Variants in PRKCSH observed in about 807,000 individuals in gnomAD.
PRKCSH encodes the protein PRKCSH beta subunit of glucosidase II.
In PRKCSH, 42 loss-of-function variants were observed where a neutral mutation model predicts 79.7. The ratio of observed to expected loss-of-function variants is 0.53; its 90% confidence interval spans 0.41 to 0.68. The LOEUF is 0.68. PRKCSH is among the 30% of genes least tolerant of loss of function. The pLI is 0.00. For missense variants in PRKCSH, 686 were observed against 709.0 expected, an observed-to-expected ratio of 0.97 and a Z score of 0.37; for synonymous variants, 325 against 288.2, an observed-to-expected ratio of 1.13 and a Z score of -1.29.
chr19:11,449,063 G>C lies in PRKCSH; in HGVS notation c.1362-13G>C, dbSNP rs771951167. On this transcript the variant is annotated splice_polypyrimidine_tract_variant and intron_variant, in intron 15 of 17. Coordinates refer to ENST00000677123, the MANE Select transcript of PRKCSH (RefSeq NM_001289104.2). This position sits in a 1 kb window ranked among gnomAD's most constrained non-coding sequence, Gnocchi z 6.4. Reference sequence around the variant, plus strand: ...ACACCGGCCCAGCCCTCAGCACCCTGTGTCTCTCACAGCACCTGGGGCTCA... The same window carrying C: ...ACACCGGCCCAGCCCTCAGCACCCTCTGTCTCTCACAGCACCTGGGGCTCA... 6.2e-7 allele frequency: 1 copy of C among 1,613,318 alleles called. No individual in the cohort carries two copies. Among genetic ancestry groups the C allele is most frequent in the East Asian group, 2.2e-5 (1 of 44,884 alleles).
chr19:11,445,592 G>C (rs1433164794), intron 8 of PRKCSH, 119 bp downstream of exon 8: 1 of 1,003,750 alleles, frequency 1.0e-6, no homozygotes, highest in Non-Finnish European at 1.5e-6. Flanking sequence ...TGGGGTCCAG[G>C]CTGATCCCAA....
In PRKCSH at chr19:11,448,059, C is replaced by T. The variant is rs913926208; in HGVS notation, c.1127-163C>T. 24 of 823,752 alleles carry T rather than the reference C, an allele frequency of 2.9e-5. No individual in the cohort carries two copies. The East Asian group carries it at 5.6e-4, about 19-fold the overall frequency. The allele number at this position is 823,752 out of a possible 1,614,324, so 51.0% of individuals were successfully genotyped here. Reference sequence around the variant, plus strand: ...GGAGCTGGGAGCCTGGGCAGCAAGTCGGGGCTGCTCTATAGCTGGTGAGGC... The same window carrying T: ...GGAGCTGGGAGCCTGGGCAGCAAGTTGGGGCTGCTCTATAGCTGGTGAGGC... On this transcript the variant is annotated intron_variant, in intron 12 of 17. Transcript: ENST00000677123. The surrounding 1 kb of genome is among the most constrained non-coding windows in gnomAD (Gnocchi z 4.4).
In PRKCSH at chr19:11,449,265, GGTGCGCCTCCT is replaced by G; in HGVS notation, c.1467_1477del (p.Leu490GlufsTer32). 1 of 1,613,772 alleles carries G rather than the reference GGTGCGCCTCCT, an allele frequency of 6.2e-7. No homozygotes were observed. The highest frequency in any genetic ancestry group is 8.5e-7 in the Non-Finnish European group (1 of 1,179,964). ...TCGAGCACCCGTCTGCCCATCCCCA[GGTGCGCCTCCT>G]GTGCGGGAAAGAGACCATGGTGACC... On this transcript the variant is annotated frameshift_variant and splice_region_variant, in exon 17 of 18. Coordinates refer to ENST00000677123, the MANE Select transcript of PRKCSH (RefSeq NM_001289104.2). LOFTEE classifies it high-confidence loss of function. The surrounding 1 kb of genome is among the most constrained non-coding windows in gnomAD (Gnocchi z 6.4).
At chr19:11,436,740 A>C in intron 3 of PRKCSH, 2 of 516,384 alleles carry the variant, frequency 3.9e-6, no homozygotes, top group Non-Finnish European at 7.0e-6. Context: ...TTTCAGTTGA[A>C]TCCCGAAGGT....
At position 11,436,196 on chromosome 19, in the gene PRKCSH, A is replaced by C. The variant is rs751480382; in HGVS notation, c.79A>C (p.Asn27His). 10 of 1,584,812 alleles carry C rather than the reference A, an allele frequency of 6.3e-6. No individual in the cohort carries two copies. The East Asian group carries it at 2.3e-4, about 37-fold the overall frequency. Residue 27 changes from asparagine (N) to histidine (H), a missense_variant and splice_region_variant, in exon 2 of 18, where the codon AAT becomes CAT. Transcript: ENST00000677123. ...GAGGCCCCGGGGCGTCTCCCTCACC[A>C]GTGAGTCCTCCTGTTCACCCTCCCG... is the stretch of plus-strand genomic sequence containing the variant. The part of the protein sequence containing the change: ...VKRPRGVSLT[N>H]HHFYDESKPF...
In PRKCSH at chr19:11,445,536, C is replaced by A. The variant is rs1178227927; in HGVS notation, c.683+63C>A. The A allele has an allele frequency of 3.9e-6, 6 of 1,526,622 alleles. No homozygotes were observed. In the African/African-American group the frequency reaches 4.1e-5, roughly 10 times the overall value. 94.6% of individuals were successfully genotyped at this position (1,526,622 alleles called of 1,614,324 possible). ...GGGCCTGGGTTTCCCTCCCCGCCAC[C>A]CTCGCCTCTAGAAACCAGCCAGATC... On this transcript the variant is annotated intron_variant, in intron 8 of 17. Coordinates refer to ENST00000677123, the MANE Select transcript of PRKCSH (RefSeq NM_001289104.2).
In PRKCSH at chr19:11,442,521, G is replaced by C; in HGVS notation, c.598+6G>C. On this transcript the variant is annotated splice_donor_region_variant and intron_variant, in intron 7 of 17. Coordinates refer to ENST00000677123, the MANE Select transcript of PRKCSH (RefSeq NM_001289104.2). ...GCACCAGAAGCTGTGGGAAGGTATG[G>C]CAGAAATGGCCAAGGACTCACCTTC... is the stretch of plus-strand genomic sequence containing the variant. 1 of 1,609,420 alleles carries C rather than the reference G, an allele frequency of 6.2e-7. No homozygotes were observed. The highest frequency in any genetic ancestry group is 8.5e-7 in the Non-Finnish European group (1 of 1,178,322).
Position 11,447,698 on chromosome 19 carries a change from C to T in PRKCSH, c.1035C>T (p.Ala345=). ...TGACCCTGCCCCTGCCCCAGGAGGCCCCACCGCCACTGTCACCCCCGCAGC... is the reference window on the plus strand; with the variant it reads ...TGACCCTGCCCCTGCCCCAGGAGGCTCCACCGCCACTGTCACCCCCGCAGC... ...SEVQGEQPKE[A]PPPLSPPQPA... Residue 345 remains alanine (A), a synonymous_variant, in exon 12 of 18, where the codon GCC becomes GCT. Transcript: ENST00000677123. The surrounding 1 kb of genome is among the most constrained non-coding windows in gnomAD (Gnocchi z 5.6). The T allele has an allele frequency of 6.4e-7, 1 of 1,574,120 alleles. No individual in the cohort carries two copies. The highest frequency in any genetic ancestry group is 8.6e-7 in the Non-Finnish European group (1 of 1,158,902).
intron 6 of PRKCSH, 66 bp from the exon 7 acceptor site, chr19:11,442,320 A>T (rs1599493582): frequency 6.5e-7 from 1 of 1,533,818 alleles, no homozygotes; most frequent in African/African-American, 1.4e-5. Context: ...AGAGGCAGGG[A>T]GGTAGTAGTC....
chr19:11,446,516 C>T (rs566311179), intron 9 of PRKCSH, among the ~76,000 whole-genome samples, 166 bp downstream of exon 9: 4 of 152,132 alleles, frequency 2.6e-5, no homozygotes, highest in African/African-American at 7.2e-5. Flanking sequence ...TGGCAGGACC[C>T]GGGATGGAGC....
Position 11,447,849 on chromosome 19 carries a change from A to G in PRKCSH, c.1126+60A>G. On this transcript the variant is annotated intron_variant, in intron 12 of 17. Transcript: ENST00000677123. The surrounding 1 kb of genome is among the most constrained non-coding windows in gnomAD (Gnocchi z 5.6). ...GCCCAGCGTTTCCTGCCGTGGTGGC[A>G]CAGGTCGAGGGAAGATCCTGAGCTT... 1.3e-6 allele frequency: 2 copies of G among 1,485,350 alleles called. No homozygotes were observed. The highest frequency in any genetic ancestry group is 1.8e-6 in the Non-Finnish European group (2 of 1,104,688). 92.0% of individuals were successfully genotyped at this position (1,485,350 alleles called of 1,614,324 possible). A position where few individuals can be genotyped will look rare whatever the true frequency, so the allele number is the denominator to read the frequency against.
At position 11,449,368 on chromosome 19, in the gene PRKCSH, C is replaced by T; in HGVS notation, c.1564C>T (p.Pro522Ser). 2 of 1,613,396 alleles carry T rather than the reference C, an allele frequency of 1.2e-6. No homozygotes were observed. Among genetic ancestry groups the T allele is most frequent in the South Asian group, 2.2e-5 (2 of 91,074 alleles). ...GATGACGCCAGCCGCCTGCCCGGAG[C>T]CACCGCCTGAAGCACCCACCGAAGA... is the stretch of plus-strand genomic sequence containing the variant. ...ELMTPAACPE[P>S]PPEAPTEDDH... is the part of the protein sequence containing the mutation. The change falls in exon 17 of 18, where the codon CCA becomes TCA. Residue 522 changes from proline (P) to serine (S), a missense_variant. Physicochemically the swap from Pro to Ser is moderately conservative, Grantham distance 74. Coordinates refer to ENST00000677123, the MANE Select transcript of PRKCSH (RefSeq NM_001289104.2). This position sits in a 1 kb window ranked among gnomAD's most constrained non-coding sequence, Gnocchi z 6.4.
chr19:11,448,792 G>C lies in PRKCSH; in HGVS notation c.1287-122G>C. 7.2e-7 allele frequency: 1 copy of C among 1,390,202 alleles called. No homozygotes were observed. The allele number at this position is 1,390,202 out of a possible 1,614,324, so 86.1% of individuals were successfully genotyped here. On this transcript the variant is annotated intron_variant, in intron 14 of 17. Transcript: ENST00000677123. This position sits in a 1 kb window ranked among gnomAD's most constrained non-coding sequence, Gnocchi z 4.4. ...GAGCAGAAGCCAGGGGCCAGGTTTA[G>C]GGTTGGTCATTGGAGTTGGAGGTAC... is the stretch of plus-strand genomic sequence containing the variant.
Position 11,442,381 on chromosome 19 carries a change from C to T in PRKCSH, c.469-5C>T. The stretch of plus-strand genomic sequence containing the variant: ...GAGCTGGTCTCTTGCCTTCTGCCCA[C>T]CCAGAAAAAGCTCATTGAGCTACAG... On this transcript the variant is annotated splice_region_variant and splice_polypyrimidine_tract_variant and intron_variant, in intron 6 of 17. Coordinates refer to ENST00000677123, the MANE Select transcript of PRKCSH (RefSeq NM_001289104.2). The T allele has an allele frequency of 1.3e-6, 2 of 1,593,260 alleles. No homozygotes were observed. Among genetic ancestry groups the T allele is most frequent in the Non-Finnish European group, 1.7e-6 (2 of 1,169,648 alleles).
chr19:11,447,738 G>A lies in PRKCSH; in HGVS notation c.1075G>A (p.Glu359Lys). 6.3e-7 allele frequency: 1 copy of A among 1,597,026 alleles called. No homozygotes were observed. The highest frequency in any genetic ancestry group is 8.5e-7 in the Non-Finnish European group (1 of 1,172,256). Residue 359 changes from glutamate (E) to lysine (K), a missense_variant, in exon 12 of 18, where the codon GAG becomes AAG. Glu to Lys is a moderately conservative substitution (Grantham distance 56). Transcript: ENST00000677123. This position sits in a 1 kb window ranked among gnomAD's most constrained non-coding sequence, Gnocchi z 5.6. ...ACCCCCGCAGCCGGCCAGCCCTGCT[G>A]AGGAAGACAAAATGCCGCCCTACGA... ...LSPPQPASPA[E>K]EDKMPPYDEQ...
chr19:11,446,076 CCT>C (rs911176405), intron 8 of PRKCSH, among the ~76,000 whole-genome samples, 194 bp from the exon 9 acceptor site: 7 of 152,080 alleles, frequency 4.6e-5, no homozygotes, highest in Non-Finnish European at 8.8e-5. Context: ...CAGTCCCACC[CCT>C]TACTTTGAGC....
At chr19:11,436,950 T>C (rs549704065) in intron 3 of PRKCSH, among the ~76,000 whole-genome samples, 22 of 152,296 alleles carry the variant, frequency 1.4e-4, no homozygotes, top group African/African-American at 5.3e-4. Flanking sequence ...CTGGAACTCT[T>C]GGGCTCAAGT....
In PRKCSH at chr19:11,450,964, C is replaced by G. The variant is rs1170199842; in HGVS notation, c.*335C>G. The G allele has an allele frequency of 6.6e-6, 1 of 152,406 alleles. No homozygotes were observed. Among genetic ancestry groups the G allele is most frequent in the Non-Finnish European group, 1.5e-5 (1 of 68,164 alleles). The allele number at this position is 152,406 out of a possible 1,614,324, so 9.4% of individuals were successfully genotyped here. ...CAATACAATAAATGTGATCCCCCAC[C>G]CAAACTTGTCTGTGTCTGCCTCGCT... On this transcript the variant is annotated 3_prime_UTR_variant, in exon 18 of 18. Transcript: ENST00000677123.
In PRKCSH at chr19:11,448,941, G is replaced by T; in HGVS notation, c.1314G>T (p.Lys438Asn). The T allele has an allele frequency of 6.2e-7, 1 of 1,614,184 alleles. No homozygotes were observed. The highest frequency in any genetic ancestry group is 8.5e-7 in the Non-Finnish European group (1 of 1,180,022). ...NEYVYRLCPF[K>N]LVSQKPKLGG... ...ACGTCTACCGCCTCTGCCCCTTCAA[G>T]CTTGTCTCGCAGAAACCCAAACTCG... Residue 438 changes from lysine to asparagine, a missense_variant, in exon 15 of 18, where the codon AAG becomes AAT. This residue lies in a region of PRKCSH where 137 missense variants were observed against 188.8 expected (regional missense o/e 0.73). Transcript: ENST00000677123. The surrounding 1 kb of genome is among the most constrained non-coding windows in gnomAD (Gnocchi z 4.4).
Sources: allele counts gnomAD v4.1 joint callset (sites outside exome capture counted in the v4.1 genomes callset), GRCh38; gene constraint gnomAD v4.1.1; regional missense constraint gnomAD v4.1.1; non-coding constraint Gnocchi (gnomAD v3.1); transcripts MANE v1.5; gene names NCBI Gene and HGNC (gene_info 2026-07-23, HGNC 2026-07-21).